The following NOL10 variants were observed in gnomAD, a reference collection of about 807,000 sequenced individuals.
NOL10 encodes the protein nucleolar protein 10, also known as H_NH0074G24.1.
Under a neutral mutation model 103.5 loss-of-function variants are expected in NOL10, and 58 were observed. The observed-to-expected ratio is 0.56, with a 90% CI of 0.45 to 0.70. NOL10 has a LOEUF of 0.70. NOL10 is among the 30% of genes least tolerant of loss of function. The probability of loss-of-function intolerance (pLI) is 0.00; values close to 1 mark genes in which losing one functional copy is unlikely to be tolerated. For missense variants in NOL10, 763 were observed against 807.3 expected (o/e 0.95, Z 0.67); for synonymous variants, 287 against 282.5 (o/e 1.02, Z -0.16).
At chr2:10,627,028 G>A (rs1157387378) in intron 13 of NOL10, among the ~76,000 whole-genome samples, 1 of 152,146 alleles carries the variant, frequency 6.6e-6, no homozygotes, top group African/African-American at 2.4e-5. Flanking sequence ...GAAACGGGGA[G>A]GATATCCTTT....
intron 13 of NOL10, among the ~76,000 whole-genome samples, chr2:10,628,970 G>A (rs1436286021): frequency 6.6e-6 from 1 of 152,092 alleles, no homozygotes; most frequent in Non-Finnish European, 1.5e-5. Context: ...CGTTTTCTCG[G>A]TTGAGAAAGG....
At chr2:10,585,758 A>T (rs751592599) in intron 19 of NOL10, among the ~76,000 whole-genome samples, 10 of 152,208 alleles carry the variant, frequency 6.6e-5, no homozygotes. Flanking sequence ...ATGTTAAATT[A>T]TCTGTAGATT....
At chr2:10,632,438 AACAG>A (rs1263845086) in intron 13 of NOL10, among the ~76,000 whole-genome samples, 2 of 152,208 alleles carry the variant, frequency 1.3e-5, no homozygotes, top group Non-Finnish European at 2.9e-5. Flanking sequence ...TATTTACAAA[AACAG>A]ACAGCTGGTG....
chr2:10,587,248 T>TATATATACAC, intron 19 of NOL10, among the ~76,000 whole-genome samples: 1 of 48,494 alleles, frequency 2.1e-5, no homozygotes, highest in Non-Finnish European at 4.0e-5. Context: ...TACATACATA[T>TATATATACAC]ATATATATAC....
chr2:10,689,334 T>C (rs771700746), intron 1 of NOL10, among the ~76,000 whole-genome samples: 1 of 152,188 alleles, frequency 6.6e-6, no homozygotes, highest in Non-Finnish European at 1.5e-5. Flanking sequence ...CTCTACACCA[T>C]AAATTCTGCA....
At chr2:10,685,593 ATTAAC>A (rs1039872749) in intron 1 of NOL10, among the ~76,000 whole-genome samples, 2 of 151,556 alleles carry the variant, frequency 1.3e-5, no homozygotes, top group Non-Finnish European at 2.9e-5. Flanking sequence ...ACAAAAGCTG[ATTAAC>A]TCCAGAATGG....
rs1022875122 is a variant in NOL10 at position 10,583,545 on chromosome 2, G to A, written c.1844+5498C>T. ...CTTTATTTAATGTGCACAAAACCCA[G>A]CTCATTACTTTTAGCCTTAAACCTA... On this transcript the variant is annotated intron_variant, in intron 19 of 20. Transcript: ENST00000381685. Among the ~76,000 whole-genome samples, 36 of 152,162 alleles carry A rather than the reference G, an allele frequency of 2.4e-4. 1 individual carries two copies. Among genetic ancestry groups the A allele is most frequent in the Admixed American group, 2.4e-3 (36 of 15,278 alleles).
At chr2:10,667,085 T>C in intron 8 of NOL10, 133 bp downstream of exon 8, 1 of 620,882 alleles carries the variant, frequency 1.6e-6, no homozygotes, top group Non-Finnish European at 2.8e-6. Context: ...TACTGAATGT[T>C]ACTCTACAGG....
intron 17 of NOL10, among the ~76,000 whole-genome samples, chr2:10,596,404 G>A (rs1260193092): frequency 6.6e-6 from 1 of 152,136 alleles, no homozygotes; most frequent in Non-Finnish European, 1.5e-5. Flanking sequence ...GGAGCCTTGA[G>A]CTTGTTTTCC....
At chr2:10,687,552 C>G (rs141648479) in intron 1 of NOL10, among the ~76,000 whole-genome samples, 2 of 152,314 alleles carry the variant, frequency 1.3e-5, no homozygotes, top group East Asian at 3.9e-4. Context: ...CACCTAGTCC[C>G]AAATAACGAC....
chr2:10,689,913 GAGCA>G lies in NOL10; in HGVS notation c.-56_-53del. The stretch of plus-strand genomic sequence containing the variant: ...CGGGTCCTTTCCCACCAGCGTGCTC[GAGCA>G]CCGTAATCCCGGGACCTCCGAGCCC... On this transcript the variant is annotated 5_prime_UTR_variant, in exon 1 of 21. Coordinates refer to ENST00000381685, the MANE Select transcript of NOL10 (RefSeq NM_024894.4). The G allele has an allele frequency of 1.9e-5, 30 of 1,541,188 alleles. No individual in the cohort carries two copies. Among genetic ancestry groups the G allele is most frequent in the Non-Finnish European group, 2.6e-5 (29 of 1,133,044 alleles).
chr2:10,603,114 C>A lies in NOL10; in HGVS notation c.1197G>T (p.Met399Ile), dbSNP rs779557115. The A allele has an allele frequency of 4.3e-5, 70 of 1,611,504 alleles. No individual in the cohort carries two copies. The highest frequency in any genetic ancestry group is 5.9e-5 in the Non-Finnish European group (70 of 1,178,750). Residue 399 changes from methionine to isoleucine, a missense_variant, in exon 15 of 21, where the codon ATG (methionine) becomes ATT (isoleucine). Met to Ile is a conservative substitution (Grantham distance 10). Coordinates refer to ENST00000381685, the MANE Select transcript of NOL10 (RefSeq NM_024894.4). Reference sequence around the variant, plus strand: ...GTCTTATATCCATGAAAAACCCATGCATATATGCCCGGAGGAAAGGAGATC... The same window carrying A: ...GTCTTATATCCATGAAAAACCCATGAATATATGCCCGGAGGAAAGGAGATC... ...LIGSPFLRAY[M>I]HGFFMDIRLY... is the part of the protein sequence containing the mutation.
chr2:10,682,105 CAT>C (rs1385206302), intron 2 of NOL10, 36 bp from the exon 3 acceptor site: 14 of 952,200 alleles, frequency 1.5e-5, no homozygotes, highest in Non-Finnish European at 2.0e-5. Context: ...GTTTAACTAA[CAT>C]GTGCTTATTC....
intron 2 of NOL10, among the ~76,000 whole-genome samples, chr2:10,682,664 T>C (rs1182535977): frequency 6.6e-6 from 1 of 151,986 alleles, no homozygotes; most frequent in Non-Finnish European, 1.5e-5. Context: ...CCTCCCAAAC[T>C]TCTGGGATTG....
intron 12 of NOL10, among the ~76,000 whole-genome samples, chr2:10,651,444 A>G (rs955384038): frequency 6.6e-6 from 1 of 151,574 alleles, no homozygotes; most frequent in Non-Finnish European, 1.5e-5. Context: ...TAATTTTAAT[A>G]TATTTTACTA....
intron 20 of NOL10, among the ~76,000 whole-genome samples, chr2:10,573,490 C>T (rs1260580416): frequency 1.3e-5 from 2 of 152,244 alleles, no homozygotes; most frequent in African/African-American, 4.8e-5. Context: ...CCGTGCCCAG[C>T]CAGGATCTGT....
chr2:10,673,283 G>A (rs186261326), intron 5 of NOL10: 135 of 348,144 alleles, frequency 3.9e-4, no homozygotes, highest in African/African-American at 2.2e-3. Context: ...TTTCATATAC[G>A]ATATGAAAAA....
intron 12 of NOL10, among the ~76,000 whole-genome samples, chr2:10,651,270 T>A (rs908671594): frequency 5.9e-5 from 9 of 152,040 alleles, no homozygotes; most frequent in Admixed American, 5.9e-4. Context: ...GGCTCAACAA[T>A]CCCCGCTACA....
intron 13 of NOL10, among the ~76,000 whole-genome samples, chr2:10,615,470 A>G (rs4233883): frequency 0.59 from 89,451 of 152,024 alleles, 27,250 homozygotes; most frequent in African/African-American, 0.73. Context: ...AAGGGCTAGC[A>G]GAGACAGGAC....
Sources: gnomAD v4.1 joint callset for allele counts (sites outside exome capture counted in the v4.1 genomes callset) on GRCh38, gnomAD v4.1.1 for gene constraint, MANE v1.5 for transcripts, NCBI Gene and HGNC (gene_info 2026-07-23, HGNC 2026-07-21) for gene names.